GLRA1: variants seen among roughly 807,000 people sequenced by gnomAD.
GLRA1 encodes the protein glycine receptor alpha 1.
In GLRA1, 37 loss-of-function variants were observed where a neutral mutation model predicts 48.3. That is an observed-to-expected ratio of 0.77 (90% CI 0.59 to 1.01). GLRA1 has a LOEUF of 1.01. GLRA1 is among the 50% of genes least tolerant of loss of function. GLRA1 has a pLI of 0.00. For missense variants in GLRA1, 427 were observed against 571.0 expected (o/e 0.75, Z 2.57); for synonymous variants, 196 against 210.7 (o/e 0.93, Z 0.60).
At chr5:151,838,068 G>A (rs564174797) in intron 7 of GLRA1, among the ~76,000 whole-genome samples, 67 of 152,204 alleles carry the variant, frequency 4.4e-4, no homozygotes, top group Middle Eastern at 3.4e-3. Flanking sequence ...CCCAGATGCT[G>A]GACTTAATAG....
intron 3 of GLRA1, among the ~76,000 whole-genome samples, chr5:151,868,057 G>A (rs1194921525): frequency 5.9e-5 from 9 of 152,190 alleles, no homozygotes; most frequent in Admixed American, 5.9e-4. Flanking sequence ...TAAGATAGCA[G>A]GAATGGAGAT....
At chr5:151,850,150 G>T in intron 7 of GLRA1, 2 of 1,603,800 alleles carry the variant, frequency 1.2e-6, no homozygotes, top group East Asian at 2.2e-5. Context: ...GGACCCCAGG[G>T]TCCATATTAC....
intron 3 of GLRA1, among the ~76,000 whole-genome samples, chr5:151,885,947 T>G (rs1406135471): frequency 1.3e-5 from 2 of 152,118 alleles, no homozygotes; most frequent in South Asian, 4.2e-4. Context: ...TGAACTAGAT[T>G]AGGGGCGGGT....
chr5:151,824,696 G>A (rs951896103), intron 8 of GLRA1, among the ~76,000 whole-genome samples: 4 of 151,962 alleles, frequency 2.6e-5, no homozygotes, highest in Non-Finnish European at 5.9e-5. Flanking sequence ...TAGGCTAGCC[G>A]CTCCTGCTGT....
At chr5:151,886,512 A>G (rs1753910583) in intron 3 of GLRA1, among the ~76,000 whole-genome samples, 1 of 152,174 alleles carries the variant, frequency 6.6e-6, no homozygotes, top group South Asian at 2.1e-4. Context: ...TTGCCCTGCT[A>G]GGTCTTTGGC....
chr5:151,904,510 A>AGCTCCTGCTCT (rs1754431270), intron 1 of GLRA1, among the ~76,000 whole-genome samples: 1 of 151,852 alleles, frequency 6.6e-6, no homozygotes, highest in Admixed American at 6.6e-5. Flanking sequence ...GCGTGTAGAT[A>AGCTCCTGCTCT]GCTCCTGCTC....
rs910427235 is a variant in GLRA1 at position 151,850,194 on chromosome 5, G to A, written c.912+1196C>T. ...GGGAGCAGGCAAAGCCCATGGCAGGGACATCGTGGAGGCCCATTACCAGGC... is the reference window on the plus strand; with the variant it reads ...GGGAGCAGGCAAAGCCCATGGCAGGAACATCGTGGAGGCCCATTACCAGGC... On this transcript the variant is annotated intron_variant, in intron 7 of 8. Transcript: ENST00000274576. 2.5e-6 allele frequency: 4 copies of A among 1,603,466 alleles called. No homozygotes were observed. In the African/African-American group the frequency reaches 4.0e-5, roughly 16 times the overall value.
At chr5:151,849,841 A>G (rs1346720663) in intron 7 of GLRA1, 2 of 1,341,738 alleles carry the variant, frequency 1.5e-6, no homozygotes, top group Non-Finnish European at 1.9e-6. Context: ...GGCATGAGCC[A>G]CCATGCCTAG....
chr5:151,877,961 G>T (rs1372025526), intron 3 of GLRA1, among the ~76,000 whole-genome samples: 1 of 152,180 alleles, frequency 6.6e-6, no homozygotes. Context: ...AAATGTGGAA[G>T]TGACTTTGGG....
At chr5:151,826,354 T>C (rs1763269296) in intron 8 of GLRA1, among the ~76,000 whole-genome samples, 1 of 152,230 alleles carries the variant, frequency 6.6e-6, no homozygotes. Flanking sequence ...CTACTAGTTT[T>C]TGACCTTCGC....
At chr5:151,912,634 G>T (rs1311521309) in intron 1 of GLRA1, among the ~76,000 whole-genome samples, 1 of 152,218 alleles carries the variant, frequency 6.6e-6, no homozygotes, top group Admixed American at 6.5e-5. Context: ...AGGGTTGGTT[G>T]TTTGGAATCT....
chr5:151,859,946 T>C lies in GLRA1; in HGVS notation c.315A>G (p.Glu105=). 6.2e-7 allele frequency: 1 copy of C among 1,614,090 alleles called. No homozygotes were observed. Among genetic ancestry groups the C allele is most frequent in the Non-Finnish European group, 8.5e-7 (1 of 1,179,988 alleles). ...QWNDPRLAYN[E]YPDDSLDLDP... ...CCAGGTCCAGAGAGTCGTCAGGGTA[T>C]TCATTATAGGCCAGGCGGGGGTCGT... is the stretch of plus-strand genomic sequence containing the variant. The change falls in exon 4 of 9, where the codon GAA becomes GAG. Residue 105 remains glutamate (E), a synonymous_variant. Transcript: ENST00000274576.
chr5:151,851,330 G>A (rs1046435414), intron 7 of GLRA1, 60 bp downstream of exon 7: 10 of 1,092,170 alleles, frequency 9.2e-6, no homozygotes, highest in Non-Finnish European at 1.4e-5. Flanking sequence ...GGCAGAGCAA[G>A]GAAGTAGGTG....
rs531019916 is a variant in GLRA1, at chr5:151,892,270, A to C, written c.184+41T>G. On this transcript the variant is annotated intron_variant, in intron 2 of 8. Coordinates refer to ENST00000274576, the MANE Select transcript of GLRA1 (RefSeq NM_000171.4). ...ATGCTGCTTGCTGCTTTAATCTGGG[A>C]AAGCATTTCCCTGTGGGTCTGGAAG... 20 of 1,602,162 alleles carry C rather than the reference A, an allele frequency of 1.2e-5. No individual in the cohort carries two copies. In the African/African-American group the frequency reaches 1.5e-4, roughly 12 times the overall value.
intron 3 of GLRA1, among the ~76,000 whole-genome samples, chr5:151,881,904 C>T (rs1027335753): frequency 6.6e-6 from 1 of 152,160 alleles, no homozygotes; most frequent in Non-Finnish European, 1.5e-5. Context: ...TTCTGGAGAA[C>T]AAACACAGCC....
At chr5:151,892,789 G>A (rs1244215183) in intron 1 of GLRA1, among the ~76,000 whole-genome samples, 2 of 152,192 alleles carry the variant, frequency 1.3e-5, no homozygotes, top group Non-Finnish European at 2.9e-5. Context: ...CTTGTGTTGG[G>A]CAACTGCACT....
At chr5:151,881,640 T>G (rs1753766032) in intron 3 of GLRA1, among the ~76,000 whole-genome samples, 1 of 152,074 alleles carries the variant, frequency 6.6e-6, no homozygotes, top group Non-Finnish European at 1.5e-5. Context: ...GTGGCCTCCC[T>G]TGTACATTTC....
Position 151,872,006 on chromosome 5 carries a change from A to G in GLRA1, c.253-11998T>C, listed in dbSNP as rs189750985. 2.7e-3 allele frequency among the ~76,000 whole-genome samples: 412 copies of G among 149,982 alleles called. 4 individuals are homozygous for G. Among genetic ancestry groups the G allele is most frequent in the Non-Finnish European group, 3.8e-3 (258 of 68,030 alleles). ...CAGACATAGAAATATAATGAGTCAT[A>G]GAAATTAAAGCAGTGTGATATTGGT... On this transcript the variant is annotated intron_variant, in intron 3 of 8. Transcript: ENST00000274576.
chr5:151,825,879 C>G (rs1346425859), intron 8 of GLRA1, among the ~76,000 whole-genome samples: 1 of 152,186 alleles, frequency 6.6e-6, no homozygotes, highest in Admixed American at 6.5e-5. Flanking sequence ...CTGCAAACTT[C>G]CTGTTAAAGA....
Sources: allele counts gnomAD v4.1 joint callset (sites outside exome capture counted in the v4.1 genomes callset), GRCh38; gene constraint gnomAD v4.1.1; transcripts MANE v1.5; gene names NCBI Gene and HGNC (gene_info 2026-07-23, HGNC 2026-07-21).